Variants in KIAA1217 observed in about 807,000 individuals in gnomAD.
KIAA1217 encodes the protein KIAA1217.
In KIAA1217, 88 loss-of-function variants were observed where a neutral mutation model predicts 163.9. The ratio of observed to expected loss-of-function variants is 0.54; its 90% CI spans 0.45 to 0.64. The LOEUF (loss-of-function observed/expected upper bound fraction) is 0.64, where lower values mean the gene tolerates loss of function less well. KIAA1217 is among the 30% of genes least tolerant of loss of function. KIAA1217 has a pLI of 0.00. For missense variants in KIAA1217, 2,372 were observed against 2,475.0 expected (o/e 0.96, Z 0.88); for synonymous variants, 903 against 923.1 (o/e 0.98, Z 0.39).
At chr10:24,250,391 C>T (rs371753878) in intron 2 of KIAA1217, among the ~76,000 whole-genome samples, 3 of 151,166 alleles carry the variant, frequency 2.0e-5, no homozygotes, top group Non-Finnish European at 4.4e-5. Flanking sequence ...AACAATTTTA[C>T]GCGTGTTTCC....
chr10:23,968,615 C>A (rs912989731), intron 1 of KIAA1217, among the ~76,000 whole-genome samples: 1 of 152,152 alleles, frequency 6.6e-6, no homozygotes, highest in East Asian at 1.9e-4. Context: ...CATCCATTAG[C>A]GGTTACTTCC....
chr10:24,042,950 T>C (rs950974699), intron 2 of KIAA1217, among the ~76,000 whole-genome samples: 1 of 152,198 alleles, frequency 6.6e-6, no homozygotes, highest in African/African-American at 2.4e-5. Context: ...TATCTGAAAA[T>C]ACTAACGTAT....
At chr10:24,399,963 G>A (rs2056331880) in intron 3 of KIAA1217, among the ~76,000 whole-genome samples, 1 of 152,180 alleles carries the variant, frequency 6.6e-6, no homozygotes, top group Non-Finnish European at 1.5e-5. Context: ...CATGGACATG[G>A]ATATTTCAGA....
At chr10:23,917,835 T>A (rs114631617) in intron 1 of KIAA1217, among the ~76,000 whole-genome samples, 62 of 152,332 alleles carry the variant, frequency 4.1e-4, no homozygotes, top group African/African-American at 1.5e-3. Context: ...GAAGGGCCTA[T>A]GACCCTTTGT....
rs374292769 is a variant in KIAA1217, at chr10:24,473,326, G to C, written c.945G>C (p.Pro315=). Residue 315 remains proline, a synonymous_variant, in exon 6 of 21, where the codon CCG becomes CCC. Coordinates refer to ENST00000376454, the MANE Select transcript of KIAA1217 (RefSeq NM_019590.5). ...CCCATGCGATTCCAAATTCCCCACC[G>C]TCTACTCCAGTGCCCCATTCCATGC... ...HPPHAIPNSP[P]STPVPHSMPP... is the part of the protein sequence containing the mutation. The C allele has an allele frequency of 6.3e-7, 1 of 1,579,842 alleles. No individual in the cohort carries two copies. The highest frequency in any genetic ancestry group is 8.6e-7 in the Non-Finnish European group (1 of 1,162,928).
chr10:23,732,779 A>AAGTTTTCTC (rs1588682988), intron 1 of KIAA1217, among the ~76,000 whole-genome samples: 1 of 152,096 alleles, frequency 6.6e-6, no homozygotes, highest in African/African-American at 2.4e-5. Context: ...CAGTGCTATA[A>AAGTTTTCTC]AGTTTTCTCT....
At chr10:23,896,909 A>T (rs1841731296) in intron 1 of KIAA1217, among the ~76,000 whole-genome samples, 1 of 152,092 alleles carries the variant, frequency 6.6e-6, no homozygotes, top group African/African-American at 2.4e-5. Context: ...AGAGGTTAGA[A>T]ACTCTAAGTG....
intron 2 of KIAA1217, among the ~76,000 whole-genome samples, chr10:24,092,899 T>A (rs1399706608): frequency 6.8e-6 from 1 of 146,406 alleles, no homozygotes; most frequent in Non-Finnish European, 1.5e-5. Flanking sequence ...ACTGTGTGTA[T>A]GTATAGTGTG....
chr10:24,142,884 G>A (rs183393817), intron 2 of KIAA1217, among the ~76,000 whole-genome samples: 4 of 152,314 alleles, frequency 2.6e-5, no homozygotes, highest in Non-Finnish European at 5.9e-5. Flanking sequence ...ATATCAGGAA[G>A]AGGAAAGGAA....
At chr10:23,988,759 C>T (rs1246594582) in intron 1 of KIAA1217, among the ~76,000 whole-genome samples, 5 of 152,086 alleles carry the variant, frequency 3.3e-5, no homozygotes, top group Non-Finnish European at 7.4e-5. Context: ...TCTAAGAAAA[C>T]ATGTAGTTTG....
At chr10:24,233,287 T>C (rs1336852113) in intron 2 of KIAA1217, among the ~76,000 whole-genome samples, 1 of 152,142 alleles carries the variant, frequency 6.6e-6, no homozygotes, top group African/African-American at 2.4e-5. Flanking sequence ...AGGCTCTTTT[T>C]AACAACCAGT....
At chr10:24,008,630 G>C (rs981828956) in intron 2 of KIAA1217, among the ~76,000 whole-genome samples, 1 of 152,090 alleles carries the variant, frequency 6.6e-6, no homozygotes, top group African/African-American at 2.4e-5. Context: ...CAGAAAGGGA[G>C]TTCAGGAGTC....
intron 2 of KIAA1217, among the ~76,000 whole-genome samples, chr10:24,134,354 G>C (rs889109738): frequency 1.3e-5 from 2 of 152,164 alleles, no homozygotes; most frequent in Non-Finnish European, 2.9e-5. Context: ...AGCCAAGCAT[G>C]GGGCAATAAT....
chr10:24,520,007 G>A (rs533569752), intron 10 of KIAA1217, 116 bp from the exon 11 acceptor site: 12 of 1,195,228 alleles, frequency 1.0e-5, no homozygotes, highest in South Asian at 4.5e-5. Context: ...CGAAAGGCAG[G>A]GGGGAGGAGC....
chr10:24,396,814 C>G (rs1017138933), intron 3 of KIAA1217, among the ~76,000 whole-genome samples: 4 of 152,152 alleles, frequency 2.6e-5, no homozygotes, highest in Non-Finnish European at 5.9e-5. Context: ...CACTCTGGCT[C>G]CACTGGCAAC....
intron 2 of KIAA1217, among the ~76,000 whole-genome samples, chr10:24,363,037 T>C (rs1439894067): frequency 6.6e-6 from 1 of 152,222 alleles, no homozygotes; most frequent in Non-Finnish European, 1.5e-5. Flanking sequence ...AGTTTCCTGA[T>C]GTTACTCCCT....
intron 2 of KIAA1217, among the ~76,000 whole-genome samples, chr10:24,061,279 T>C (rs2060712492): frequency 6.6e-6 from 1 of 151,584 alleles, no homozygotes; most frequent in African/African-American, 2.4e-5. Flanking sequence ...CCTCTACACT[T>C]TTACTTCTTC....
intron 2 of KIAA1217, among the ~76,000 whole-genome samples, chr10:24,163,261 A>G (rs540999672): frequency 1.3e-5 from 2 of 152,322 alleles, no homozygotes; most frequent in East Asian, 3.9e-4. Context: ...TTTTGATTCA[A>G]GTTCAATTCT....
chr10:24,302,288 G>T (rs2041458242), intron 2 of KIAA1217, among the ~76,000 whole-genome samples: 1 of 152,190 alleles, frequency 6.6e-6, no homozygotes, highest in African/African-American at 2.4e-5. Context: ...GGGTTTGGAT[G>T]TCCATCATGG....
Sources: gnomAD v4.1 joint callset for allele counts (sites outside exome capture counted in the v4.1 genomes callset) on GRCh38, gnomAD v4.1.1 for gene constraint, MANE v1.5 for transcripts, NCBI Gene and HGNC (gene_info 2026-07-23, HGNC 2026-07-21) for gene names.